SLC5A4: variants seen among roughly 807,000 people sequenced by gnomAD.
SLC5A4 encodes the protein solute carrier family 5 member 4.
Under a neutral mutation model 70.3 loss-of-function variants are expected in SLC5A4, and 55 were observed. The ratio of observed to expected loss-of-function variants is 0.78; its 90% CI spans 0.63 to 0.98. The LOEUF is 0.98. SLC5A4 is among the 50% of genes least tolerant of loss of function. The pLI is 0.00. For missense variants in SLC5A4, 735 were observed against 839.2 expected (o/e 0.88, Z 1.53); for synonymous variants, 268 against 305.7 (o/e 0.88, Z 1.29).
intron 3 of SLC5A4, 30 bp downstream of exon 3, chr22:32,251,740 T>A: frequency 7.5e-7 from 1 of 1,325,950 alleles, no homozygotes; most frequent in South Asian, 1.2e-5. Flanking sequence ...TGGTTTTGAT[T>A]TGAAGGAAAA....
At chr22:32,351,016 A>C in the SLC5A4 span, among the ~76,000 whole-genome samples, 1 of 152,146 alleles carries the variant, frequency 6.6e-6, no homozygotes, top group African/African-American at 2.4e-5. Context: ...TTGGTTGTGA[A>C]TCTTGCCCTA....
the SLC5A4 span, among the ~76,000 whole-genome samples, chr22:32,310,632 C>G: frequency 2.0e-5 from 3 of 152,212 alleles, no homozygotes; most frequent in Non-Finnish European, 4.4e-5. Context: ...TGGACACTGG[C>G]AACACTGCCT....
chr22:32,270,193 T>C, the SLC5A4 span: 1 of 665,520 alleles, frequency 1.5e-6, no homozygotes, highest in Non-Finnish European at 2.8e-6. Context: ...GCCACCTACC[T>C]TTGAGGTGTG....
the SLC5A4 span, among the ~76,000 whole-genome samples, chr22:32,279,931 G>A: frequency 6.6e-6 from 1 of 152,188 alleles, no homozygotes; most frequent in Non-Finnish European, 1.5e-5. Context: ...GGGAGGGGCT[G>A]CTCAAGGGTG....
At chr22:32,233,141 C>G in intron 8 of SLC5A4, 107 bp from the exon 9 acceptor site, 1 of 1,231,112 alleles carries the variant, frequency 8.1e-7, no homozygotes, top group Non-Finnish European at 1.1e-6. Flanking sequence ...TAATGTGGAC[C>G]AGTATACCAA....
chr22:32,297,743 T>G, the SLC5A4 span, among the ~76,000 whole-genome samples: 1 of 122,292 alleles, frequency 8.2e-6, no homozygotes, highest in East Asian at 2.1e-4. Context: ...TAATTGTGAT[T>G]TTAGGGTGTC....
chr22:32,250,795 G>A (rs2145700473), intron 3 of SLC5A4, among the ~76,000 whole-genome samples: 1 of 152,194 alleles, frequency 6.6e-6, no homozygotes, highest in African/African-American at 2.4e-5. Context: ...ATGAGTTCAT[G>A]TCCTTTGCAG....
At chr22:32,277,696 C>T in the SLC5A4 span, among the ~76,000 whole-genome samples, 5 of 152,024 alleles carry the variant, frequency 3.3e-5, no homozygotes, top group African/African-American at 7.2e-5. Context: ...TACAGGTGCC[C>T]GCCACCATGC....
chr22:32,301,426 G>T, the SLC5A4 span, among the ~76,000 whole-genome samples: 1 of 152,148 alleles, frequency 6.6e-6, no homozygotes, highest in Non-Finnish European at 1.5e-5. Flanking sequence ...ATGTTAAATA[G>T]TTTCATGTAC....
the SLC5A4 span, among the ~76,000 whole-genome samples, chr22:32,299,694 G>T: frequency 9.6e-6 from 1 of 104,316 alleles, no homozygotes; most frequent in South Asian, 3.3e-4. Flanking sequence ...TCCGTTGCTG[G>T]TGAGGAACTG....
At position 32,231,614 on chromosome 22, in the gene SLC5A4, A is replaced by G. The variant is rs529354102; in HGVS notation, c.1022-539T>C. Among the ~76,000 whole-genome samples, 424 of 152,384 alleles carry G rather than the reference A, an allele frequency of 2.8e-3. 2 individuals carry two copies. Among genetic ancestry groups the G allele is most frequent in the Non-Finnish European group, 4.9e-3 (333 of 68,034 alleles). ...CTTAAACAACATTATGACAACAGACAGGGAGAATTGATAAAGAATCACGCA... is the reference window on the plus strand; with the variant it reads ...CTTAAACAACATTATGACAACAGACGGGGAGAATTGATAAAGAATCACGCA... On this transcript the variant is annotated intron_variant, in intron 9 of 14. Coordinates refer to ENST00000266086, the MANE Select transcript of SLC5A4 (RefSeq NM_014227.3).
chr22:32,220,482 T>C (rs912882909), intron 14 of SLC5A4, among the ~76,000 whole-genome samples: 16 of 152,194 alleles, frequency 1.1e-4, no homozygotes, highest in East Asian at 1.9e-4. Flanking sequence ...GCATTTTTTT[T>C]CCCCTTGGAC....
At chr22:32,234,849 G>GACAC (rs748405447) in intron 8 of SLC5A4, 24 bp downstream of exon 8, 490 of 1,498,312 alleles carry the variant, frequency 3.3e-4, no homozygotes, top group Non-Finnish European at 4.2e-4. Context: ...CAGACAGACA[G>GACAC]ACACACATAT....
At chr22:32,320,839 TAAGTGAACACCCGCGAAGG>T in the SLC5A4 span, among the ~76,000 whole-genome samples, 1 of 152,212 alleles carries the variant, frequency 6.6e-6, no homozygotes, top group African/African-American at 2.4e-5. Flanking sequence ...ATTTGAAAGG[TAAGTGAACACCCGCGAAGG>T]GGACTCACCA....
At chr22:32,297,805 C>T in the SLC5A4 span, among the ~76,000 whole-genome samples, 530 of 115,642 alleles carry the variant, frequency 4.6e-3, 19 homozygotes, top group African/African-American at 0.016. Context: ...CTATAAATTT[C>T]CCTCTACACA....
intron 13 of SLC5A4, among the ~76,000 whole-genome samples, chr22:32,221,691 A>T (rs1157165957): frequency 1.3e-5 from 2 of 152,176 alleles, no homozygotes; most frequent in Non-Finnish European, 2.9e-5. Context: ...ACACAAGTAA[A>T]TATCAGCCCT....
the SLC5A4 span, among the ~76,000 whole-genome samples, chr22:32,305,306 G>GGCCA: frequency 1.6e-3 from 241 of 149,852 alleles, 5 homozygotes; most frequent in Admixed American, 3.6e-3. Context: ...CTGCTCCCGG[G>GGCCA]CTTGTAGTCT....
chr22:32,307,828 G>A, the SLC5A4 span, among the ~76,000 whole-genome samples: 1 of 152,102 alleles, frequency 6.6e-6, no homozygotes, highest in Non-Finnish European at 1.5e-5. Context: ...GCGTCATCCA[G>A]GCATGGCCTG....
chr22:32,301,849 A>C, the SLC5A4 span, among the ~76,000 whole-genome samples: 1 of 152,140 alleles, frequency 6.6e-6, no homozygotes, highest in Admixed American at 6.5e-5. Context: ...GTACAAAAAA[A>C]AAAAAACCCT....
Sources: gnomAD v4.1 joint callset for allele counts (sites outside exome capture counted in the v4.1 genomes callset) on GRCh38, gnomAD v4.1.1 for gene constraint, MANE v1.5 for transcripts, NCBI Gene and HGNC (gene_info 2026-07-23, HGNC 2026-07-21) for gene names.